The following SLC25A24 variants were observed in gnomAD, a reference collection of about 807,000 sequenced individuals.
SLC25A24 encodes solute carrier family 25 member 24, also known as mitochondrial adenyl nucleotide antiporter SLC25A24.
In SLC25A24, 49 loss-of-function variants were observed where a neutral mutation model predicts 60.7. The observed-to-expected ratio is 0.81, with a 90% CI of 0.64 to 1.02. SLC25A24 has a LOEUF of 1.02. SLC25A24 is among the 50% of genes least tolerant of loss of function. The pLI is 0.00. For synonymous variants in SLC25A24, 202 were observed against 200.6 expected (o/e 1.01, Z -0.06); for missense variants, 564 against 586.3 (o/e 0.96, Z 0.39).
chr1:108,166,857 G>A (rs1175306583), intron 3 of SLC25A24, among the ~76,000 whole-genome samples: 3 of 152,188 alleles, frequency 2.0e-5, no homozygotes, highest in African/African-American at 7.2e-5. Flanking sequence ...TTTGGAGGAG[G>A]AGAGGCACTC....
chr1:108,180,616 ATCTCTC>A (rs3043349), intron 3 of SLC25A24, among the ~76,000 whole-genome samples: 7,304 of 60,978 alleles, frequency 0.12, 258 homozygotes, highest in Non-Finnish European at 0.16. Flanking sequence ...CAAGAGAAAG[ATCTCTC>A]TCTCTCTCTC....
chr1:108,181,905 G>A (rs768808131), intron 3 of SLC25A24, 36 bp downstream of exon 3: 2 of 1,453,098 alleles, frequency 1.4e-6, no homozygotes, highest in African/African-American at 2.8e-5. Context: ...GAATATTAAA[G>A]TGAAAGTCAA....
chr1:108,188,666 G>C (rs149105332), intron 1 of SLC25A24, among the ~76,000 whole-genome samples: 3 of 152,160 alleles, frequency 2.0e-5, no homozygotes, highest in African/African-American at 7.2e-5. Flanking sequence ...GAAAAGAAAA[G>C]CTTTTTATTG....
rs766881689 is a variant in SLC25A24 at position 108,143,533 on chromosome 1, A to G, written c.1098+10T>C. 3.1e-6 allele frequency: 5 copies of G among 1,596,070 alleles called. No homozygotes were observed. The highest frequency in any genetic ancestry group is 2.3e-5 in the South Asian group (2 of 87,256). ...GCATTTTCCAATTCAAAAGATTTCT[A>G]CAAACTCACCTCATACACAGCAAGA... is the stretch of plus-strand genomic sequence containing the variant. On this transcript the variant is annotated intron_variant, in intron 8 of 9. Transcript: ENST00000565488.
chr1:108,161,085 G>A (rs1680065581), intron 4 of SLC25A24, 97 bp downstream of exon 4: 10 of 650,962 alleles, frequency 1.5e-5, no homozygotes, highest in Non-Finnish European at 2.7e-5. Flanking sequence ...TGGGACTCAG[G>A]TATCCTGGCC....
chr1:108,139,010 T>C (rs766847157), intron 9 of SLC25A24, 48 bp downstream of exon 9: 22 of 1,443,516 alleles, frequency 1.5e-5, no homozygotes, highest in Non-Finnish European at 2.0e-5. Flanking sequence ...AAAAGCACAT[T>C]ACTGGTGCAG....
At chr1:108,196,054 T>C (rs969790206) in intron 1 of SLC25A24, among the ~76,000 whole-genome samples, 143 of 152,216 alleles carry the variant, frequency 9.4e-4, no homozygotes, top group African/African-American at 3.2e-3. Context: ...TGAACCCTCT[T>C]TGTTAACAGA....
intron 2 of SLC25A24, among the ~76,000 whole-genome samples, chr1:108,184,497 G>A (rs1648050638): frequency 6.6e-6 from 1 of 152,214 alleles, no homozygotes; most frequent in Admixed American, 6.5e-5. Flanking sequence ...TCCTGGCTGA[G>A]AGTCACAGAT....
chr1:108,174,519 G>A (rs1647600521), intron 3 of SLC25A24, among the ~76,000 whole-genome samples: 1 of 152,224 alleles, frequency 6.6e-6, no homozygotes, highest in African/African-American at 2.4e-5. Flanking sequence ...CAGTGCAAAA[G>A]GGAAATGTGG....
intron 3 of SLC25A24, among the ~76,000 whole-genome samples, chr1:108,174,502 G>A (rs910048669): frequency 5.3e-5 from 8 of 152,306 alleles, no homozygotes; most frequent in South Asian, 2.1e-4. Context: ...GAGAACCTCC[G>A]CTAGGGCAGT....
rs1027645869 is a variant in SLC25A24, at chr1:108,135,330, A to G, written c.*1323T>C. 1 of 152,614 alleles carries G rather than the reference A, an allele frequency of 6.6e-6. No homozygotes were observed. The highest frequency in any genetic ancestry group is 6.5e-5 in the Admixed American group (1 of 15,282). 9.5% of individuals were successfully genotyped at this position (152,614 alleles called of 1,614,324 possible). A position where few individuals can be genotyped will look rare whatever the true frequency, so the allele number is the denominator to read the frequency against. On this transcript the variant is annotated 3_prime_UTR_variant, in exon 10 of 10. Coordinates refer to ENST00000565488, the MANE Select transcript of SLC25A24 (RefSeq NM_013386.5). The stretch of plus-strand genomic sequence containing the variant: ...TAAAGAAAATGCCTATTACATCATT[A>G]GATTTTCATTAAAATGCTGGAAATT...
chr1:108,149,346 T>C (rs1465468109), intron 6 of SLC25A24, among the ~76,000 whole-genome samples: 2 of 152,028 alleles, frequency 1.3e-5, no homozygotes, highest in Non-Finnish European at 2.9e-5. Context: ...TATCATGGGA[T>C]TGAGAGTCAG....
intron 7 of SLC25A24, among the ~76,000 whole-genome samples, chr1:108,145,138 T>G (rs979299985): frequency 6.6e-6 from 1 of 152,182 alleles, no homozygotes; most frequent in East Asian, 1.9e-4. Context: ...GGTATGCCAT[T>G]GTGGTTTTGA....
intron 3 of SLC25A24, among the ~76,000 whole-genome samples, chr1:108,167,586 A>T (rs111943778): frequency 6.6e-6 from 1 of 152,214 alleles, no homozygotes; most frequent in Non-Finnish European, 1.5e-5. Flanking sequence ...TTCTTTGACT[A>T]GGAAAGGGAA....
chr1:108,187,092 A>AAT (rs10676404), intron 1 of SLC25A24, among the ~76,000 whole-genome samples: 1 of 151,218 alleles, frequency 6.6e-6, no homozygotes, highest in Non-Finnish European at 1.5e-5. Context: ...AAAAAAAAAA[A>AAT]TTAAAAAAAT....
Position 108,200,172 on chromosome 1 carries a change from G to C in SLC25A24, c.-34C>G. 6.6e-7 allele frequency: 1 copy of C among 1,523,958 alleles called. No homozygotes were observed. The highest frequency in any genetic ancestry group is 8.8e-7 in the Non-Finnish European group (1 of 1,139,298). The allele number at this position is 1,523,958 out of a possible 1,614,324, so 94.4% of individuals were successfully genotyped here. A position where few individuals can be genotyped will look rare whatever the true frequency, so the allele number is the denominator to read the frequency against. On this transcript the variant is annotated 5_prime_UTR_variant, in exon 1 of 10. Transcript: ENST00000565488. ...AGGCGCAGGCGGCCTGGCCGAGGAA[G>C]TCACGGGAGATCGAGGGCTGCGGGG...
rs947271419 is a variant in SLC25A24, at chr1:108,196,653, C to G, written c.183+3303G>C. ...GTTCCAGACACTGGAAGTCCTAGAT[C>G]GAAGTGCTAGGAGATTTACTGTCTA... is the stretch of plus-strand genomic sequence containing the variant. On this transcript the variant is annotated intron_variant, in intron 1 of 9. Coordinates refer to ENST00000565488, the MANE Select transcript of SLC25A24 (RefSeq NM_013386.5). Among the ~76,000 whole-genome samples the G allele has an allele frequency of 2.0e-5, 3 of 152,314 alleles. No individual in the cohort carries two copies. In the Middle Eastern group the frequency reaches 0.01, roughly 518 times the overall value.
chr1:108,137,385 C>G (rs1003408627), intron 9 of SLC25A24, among the ~76,000 whole-genome samples: 3 of 152,086 alleles, frequency 2.0e-5, no homozygotes, highest in Non-Finnish European at 4.4e-5. Context: ...TGGAAATGAC[C>G]TCAACAAGCA....
At chr1:108,138,921 A>T in intron 9 of SLC25A24, 137 bp downstream of exon 9, 1 of 842,776 alleles carries the variant, frequency 1.2e-6, no homozygotes, top group Non-Finnish European at 1.7e-6. Flanking sequence ...AAGATTCCTT[A>T]AGGAGGCAAT....
Sources: gnomAD v4.1 joint callset for allele counts (sites outside exome capture counted in the v4.1 genomes callset) on GRCh38, gnomAD v4.1.1 for gene constraint, MANE v1.5 for transcripts, NCBI Gene and HGNC (gene_info 2026-07-23, HGNC 2026-07-21) for gene names.